PIK3C2G: variants seen among roughly 807,000 people sequenced by gnomAD.
PIK3C2G encodes the protein phosphatidylinositol-4-phosphate 3-kinase catalytic subunit type 2 gamma.
Under a neutral mutation model 181.1 loss-of-function variants are expected in PIK3C2G, and 168 were observed. The ratio of observed to expected loss-of-function variants is 0.93; its 90% CI spans 0.82 to 1.05. The LOEUF (loss-of-function observed/expected upper bound fraction) is 1.05. Ranked by LOEUF, PIK3C2G falls within the 50% of genes least tolerant of loss-of-function variation. The pLI, the probability that PIK3C2G is intolerant of heterozygous loss-of-function variation, is 0.00. For synonymous variants in PIK3C2G, 573 were observed against 592.2 expected (o/e 0.97, Z 0.47); for missense variants, 1,869 against 1,732.8 (o/e 1.08, Z -1.40).
At chr12:18,306,026 T>C (rs546946118) in intron 5 of PIK3C2G, among the ~76,000 whole-genome samples, 5 of 152,048 alleles carry the variant, frequency 3.3e-5, no homozygotes, top group African/African-American at 1.2e-4. Flanking sequence ...AGGGAGAGCG[T>C]TGCAAACTTG....
intron 29 of PIK3C2G, among the ~76,000 whole-genome samples, chr12:18,571,995 T>C (rs1565520661): frequency 6.6e-6 from 1 of 150,380 alleles, no homozygotes; most frequent in Non-Finnish European, 1.5e-5. Context: ...TCAGTAGTTA[T>C]AAACTCTTCT....
rs754552763 is a variant in PIK3C2G, at chr12:18,381,868, G to A, written c.1983G>A (p.Pro661=). ...TGTGGGATGTAAGTCAGCCATCCCC[G>A]GTGACCCTGCAGGTAAGTGCCAGGC... ...PGVWDVSQPS[P]VTLQIDFPAT... is the part of the protein sequence containing the mutation. Residue 661 remains proline, a synonymous_variant, in exon 14 of 33, where the codon CCG becomes CCA. Coordinates refer to ENST00000538779, the MANE Select transcript of PIK3C2G (RefSeq NM_001288772.2). 35 of 1,604,608 alleles carry A rather than the reference G, an allele frequency of 2.2e-5. No individual in the cohort carries two copies. The highest frequency in any genetic ancestry group is 1.2e-4 in the Admixed American group (7 of 59,974).
the PIK3C2G span, among the ~76,000 whole-genome samples, chr12:18,690,284 T>C: frequency 6.6e-6 from 1 of 152,088 alleles, no homozygotes; most frequent in South Asian, 2.1e-4. Flanking sequence ...AGTGCAACGG[T>C]GCGACCTCGG....
chr12:18,641,557 A>C (rs1949838588), intron 32 of PIK3C2G, among the ~76,000 whole-genome samples: 1 of 151,326 alleles, frequency 6.6e-6, no homozygotes, highest in Non-Finnish European at 1.5e-5. Context: ...CACCTCTCTC[A>C]TTTTCCTTCA....
chr12:18,449,010 G>A (rs974893981), intron 18 of PIK3C2G, among the ~76,000 whole-genome samples: 1 of 152,012 alleles, frequency 6.6e-6, no homozygotes, highest in Non-Finnish European at 1.5e-5. Context: ...ACCTAGAAGA[G>A]GGATTGCTGG....
At chr12:18,558,999 G>A (rs1411834351) in intron 26 of PIK3C2G, among the ~76,000 whole-genome samples, 2 of 152,104 alleles carry the variant, frequency 1.3e-5, no homozygotes, top group Non-Finnish European at 2.9e-5. Flanking sequence ...AGGACAATGT[G>A]TGTGTCTATG....
At chr12:18,572,556 C>T (rs1412002971) in intron 29 of PIK3C2G, among the ~76,000 whole-genome samples, 1 of 151,446 alleles carries the variant, frequency 6.6e-6, no homozygotes, top group African/African-American at 2.4e-5. Context: ...ATAATCTACT[C>T]AGATGTAATG....
chr12:18,724,591 T>C, the PIK3C2G span, among the ~76,000 whole-genome samples: 1 of 152,126 alleles, frequency 6.6e-6, no homozygotes, highest in South Asian at 2.1e-4. Flanking sequence ...TCTCCAGAGC[T>C]GATTAAACAA....
downstream of PIK3C2G, among the ~76,000 whole-genome samples, chr12:18,650,712 CTATATATATATATA>C (rs1157799425): frequency 1.3e-3 from 19 of 14,612 alleles, no homozygotes; most frequent in South Asian, 3.5e-3. Flanking sequence ...GTGTATATAT[CTATATATATATATA>C]TATATATATA....
intron 29 of PIK3C2G, among the ~76,000 whole-genome samples, chr12:18,591,812 A>G (rs1947095650): frequency 1.3e-5 from 2 of 151,906 alleles, no homozygotes; most frequent in Non-Finnish European, 1.5e-5. Flanking sequence ...GGGTAGCAAG[A>G]TAAGTATAAA....
upstream of PIK3C2G, among the ~76,000 whole-genome samples, chr12:18,244,135 A>G (rs10770323): frequency 0.43 from 65,264 of 151,702 alleles, 14,609 homozygotes; most frequent in East Asian, 0.75. Flanking sequence ...TCAAAATGCC[A>G]AATCAAGCAA....
chr12:18,382,777 C>T (rs1942925221), intron 14 of PIK3C2G, among the ~76,000 whole-genome samples: 1 of 152,190 alleles, frequency 6.6e-6, no homozygotes, highest in African/African-American at 2.4e-5. Context: ...ATTTCCTCAG[C>T]TGACATCACT....
At chr12:18,684,869 G>A in the PIK3C2G span, among the ~76,000 whole-genome samples, 195 of 152,062 alleles carry the variant, frequency 1.3e-3, 1 homozygote, top group Middle Eastern at 6.8e-3. Flanking sequence ...TCATGATAGT[G>A]AGTGAGTACT....
At position 18,528,597 on chromosome 12, in the gene PIK3C2G, T is replaced by G. The variant is rs142662229; in HGVS notation, c.3324-9559T>G. Among the ~76,000 whole-genome samples the G allele has an allele frequency of 5.6e-3, 852 of 152,330 alleles. 7 individuals are homozygous for G. Among genetic ancestry groups the G allele is most frequent in the Non-Finnish European group, 9.1e-3 (620 of 68,028 alleles). ...TTTATCAGTTGCTCAAATAAAATAC[T>G]GGATAAACTAAACTATAAGAGGAAG... On this transcript the variant is annotated intron_variant, in intron 24 of 32. Transcript: ENST00000538779.
At chr12:18,487,927 C>CA (rs1425277790) in intron 18 of PIK3C2G, among the ~76,000 whole-genome samples, 3 of 152,010 alleles carry the variant, frequency 2.0e-5, no homozygotes, top group African/African-American at 2.4e-5. Context: ...TGCCTGAAAA[C>CA]AAAAAACCAT....
chr12:18,451,331 T>G (rs1947346772), intron 18 of PIK3C2G, among the ~76,000 whole-genome samples: 1 of 152,184 alleles, frequency 6.6e-6, no homozygotes, highest in South Asian at 2.1e-4. Flanking sequence ...TTATTTTCTT[T>G]GTAGCAATTG....
chr12:18,557,357 T>C (rs10841039), intron 26 of PIK3C2G, among the ~76,000 whole-genome samples: 1 of 151,780 alleles, frequency 6.6e-6, no homozygotes, highest in Admixed American at 6.6e-5. Context: ...GTAAAATAAG[T>C]GGTTACAAAG....
upstream of PIK3C2G, among the ~76,000 whole-genome samples, chr12:18,258,839 T>C (rs1437539666): frequency 6.6e-6 from 1 of 152,164 alleles, no homozygotes; most frequent in Non-Finnish European, 1.5e-5. Context: ...ATAGTATTTT[T>C]GGAATGTCTA....
chr12:18,634,713 C>G (rs772489828), intron 31 of PIK3C2G, among the ~76,000 whole-genome samples: 3 of 152,130 alleles, frequency 2.0e-5, no homozygotes, highest in Non-Finnish European at 4.4e-5. Context: ...CTACCATGAC[C>G]ACTTTGTTCA....
Sources: allele counts gnomAD v4.1 joint callset (sites outside exome capture counted in the v4.1 genomes callset), GRCh38; gene constraint gnomAD v4.1.1; transcripts MANE v1.5; gene names NCBI Gene and HGNC (gene_info 2026-07-23, HGNC 2026-07-21).